CALN1: variants seen among roughly 807,000 people sequenced by gnomAD.
CALN1 encodes the protein calneuron 1, also known as calcium-binding protein 8.
CALN1 carries 17 observed loss-of-function variants against 30.6 expected under a neutral mutation model. The observed-to-expected ratio is 0.56, with a 90% confidence interval of 0.38 to 0.83. The LOEUF is 0.83. Ranked by LOEUF, CALN1 falls within the 40% of genes least tolerant of loss-of-function variation. The pLI, the probability that CALN1 is intolerant of heterozygous loss-of-function variation, is 0.00. For missense variants in CALN1, 291 were observed against 354.9 expected, an observed-to-expected ratio of 0.82 and a Z score of 1.45; for synonymous variants, 156 against 131.4, an observed-to-expected ratio of 1.19 and a Z score of -1.28.
intron 3 of CALN1, among the ~76,000 whole-genome samples, chr7:72,246,692 C>G (rs956289304): frequency 1.3e-5 from 2 of 151,538 alleles, no homozygotes; most frequent in Non-Finnish European, 2.9e-5. Flanking sequence ...TTGTTTTGTC[C>G]AGGACTATCC....
chr7:71,952,853 C>A (rs551525254), intron 5 of CALN1, among the ~76,000 whole-genome samples: 1 of 152,212 alleles, frequency 6.6e-6, no homozygotes, highest in Non-Finnish European at 1.5e-5. Context: ...TGTCCAGCTT[C>A]TTCTAATCCC....
intron 5 of CALN1, among the ~76,000 whole-genome samples, chr7:71,897,989 AAAAGAGAGAGAGAGGGAGGGAGGGGGGGG>A (rs1321336999): frequency 2.6e-3 from 307 of 116,898 alleles, no homozygotes; most frequent in African/African-American, 0.011. Flanking sequence ...AAAAAAAAAA[AAAAGAGAGAGAGAGGGAGGGAGGGGGGGG>A]GAGAGAGAGA....
intron 5 of CALN1, among the ~76,000 whole-genome samples, chr7:71,926,248 C>T (rs1795266687): frequency 7.2e-6 from 1 of 139,590 alleles, no homozygotes; most frequent in East Asian, 2.2e-4. Context: ...TCTCCAGATA[C>T]CCAAGCTTGC....
rs1248791160 is a variant in CALN1 at position 71,796,759 on chromosome 7, T to G, written c.659-8857A>C. The stretch of plus-strand genomic sequence containing the variant: ...TTCCCACTAAACCTTGGGCTCTTTT[T>G]CAGCACAGTCCTTGGCACAGTGGAA... On this transcript the variant is annotated intron_variant, in intron 6 of 6. Coordinates refer to ENST00000395275, the MANE Select transcript of CALN1 (RefSeq NM_031468.4). 2.6e-5 allele frequency among the ~76,000 whole-genome samples: 4 copies of G among 152,284 alleles called. No individual in the cohort carries two copies. The East Asian group carries it at 7.7e-4, about 29-fold the overall frequency.
At chr7:72,327,369 G>C (rs555627576) in intron 2 of CALN1, among the ~76,000 whole-genome samples, 1 of 152,196 alleles carries the variant, frequency 6.6e-6, no homozygotes, top group African/African-American at 2.4e-5. Flanking sequence ...CGTGCCTTTA[G>C]TCCCAGCTAC....
chr7:72,037,355 T>C (rs1801863303), intron 4 of CALN1, among the ~76,000 whole-genome samples: 1 of 152,118 alleles, frequency 6.6e-6, no homozygotes, highest in African/African-American at 2.4e-5. Context: ...TTTCACTGTG[T>C]TAGCCAGGAT....
At chr7:72,368,708 C>G (rs1804030474) in intron 2 of CALN1, among the ~76,000 whole-genome samples, 1 of 151,530 alleles carries the variant, frequency 6.6e-6, no homozygotes, top group South Asian at 2.1e-4. Context: ...TGAATTTACA[C>G]AAGACGACAA....
chr7:72,421,364 A>G (rs1020407914), intron 1 of CALN1, among the ~76,000 whole-genome samples: 3 of 152,114 alleles, frequency 2.0e-5, no homozygotes, highest in African/African-American at 7.2e-5. Flanking sequence ...CAGGAATGGA[A>G]AACCGAAAGA....
chr7:72,458,903 G>GT, the CALN1 span, among the ~76,000 whole-genome samples: 2 of 141,322 alleles, frequency 1.4e-5, no homozygotes, highest in East Asian at 2.0e-4. Context: ...TTTTTTTGGG[G>GT]TTTTTTGTTT....
chr7:72,376,404 T>C (rs1311190439), intron 2 of CALN1, among the ~76,000 whole-genome samples: 2 of 152,362 alleles, frequency 1.3e-5, no homozygotes, highest in Admixed American at 6.5e-5. Flanking sequence ...TTGCTGTTGT[T>C]ATCACCAACC....
At chr7:71,914,971 T>A (rs1794613284) in intron 5 of CALN1, among the ~76,000 whole-genome samples, 1 of 152,162 alleles carries the variant, frequency 6.6e-6, no homozygotes, top group Non-Finnish European at 1.5e-5. Flanking sequence ...GTTTGCAAAA[T>A]GGTTTTAACT....
At chr7:72,465,064 A>T in the CALN1 span, among the ~76,000 whole-genome samples, 9 of 152,276 alleles carry the variant, frequency 5.9e-5, no homozygotes, top group East Asian at 1.5e-3. Flanking sequence ...CAGGCCACCA[A>T]GCCCAAAAGT....
At chr7:72,432,305 G>C (rs529793715) in intron 1 of CALN1, among the ~76,000 whole-genome samples, 1 of 152,266 alleles carries the variant, frequency 6.6e-6, no homozygotes, top group East Asian at 1.9e-4. Context: ...AGCCTCCCCA[G>C]CCATGTGGAA....
chr7:72,424,917 A>G (rs1807748180), intron 1 of CALN1, among the ~76,000 whole-genome samples: 1 of 152,042 alleles, frequency 6.6e-6, no homozygotes, highest in African/African-American at 2.4e-5. Context: ...GATGAATGGC[A>G]AGATTCACAG....
At chr7:72,311,191 C>T (rs1024330201) in intron 2 of CALN1, among the ~76,000 whole-genome samples, 1 of 151,976 alleles carries the variant, frequency 6.6e-6, no homozygotes, top group African/African-American at 2.4e-5. Context: ...TTCCATTTAA[C>T]GAATAGTAAT....
intron 1 of CALN1, among the ~76,000 whole-genome samples, chr7:72,406,246 C>T (rs1004765411): frequency 2.6e-5 from 4 of 152,142 alleles, no homozygotes; most frequent in Admixed American, 1.3e-4. Flanking sequence ...GACTAACCAC[C>T]GTCGGCCAAC....
At chr7:71,848,017 C>T (rs1409511401) in intron 5 of CALN1, among the ~76,000 whole-genome samples, 1 of 152,098 alleles carries the variant, frequency 6.6e-6, no homozygotes, top group Non-Finnish European at 1.5e-5. Flanking sequence ...CCAGTCTCAT[C>T]CAAAAACACC....
intron 3 of CALN1, among the ~76,000 whole-genome samples, chr7:72,248,112 T>C (rs919935880): frequency 6.6e-6 from 1 of 152,172 alleles, no homozygotes; most frequent in South Asian, 2.1e-4. Flanking sequence ...GTGGATAATC[T>C]ATTTGCCTTT....
chr7:72,151,404 C>G (rs1292140922), intron 3 of CALN1, among the ~76,000 whole-genome samples: 1 of 152,120 alleles, frequency 6.6e-6, no homozygotes, highest in African/African-American at 2.4e-5. Context: ...CTAGAGCCAT[C>G]CTAATAGTCT....
Sources: allele counts gnomAD v4.1 joint callset (sites outside exome capture counted in the v4.1 genomes callset), GRCh38; gene constraint gnomAD v4.1.1; transcripts MANE v1.5; gene names NCBI Gene and HGNC (gene_info 2026-07-23, HGNC 2026-07-21).